The following NARS1 variants were observed in gnomAD, a reference collection of about 807,000 sequenced individuals.
The protein encoded by NARS1 is asparagine--tRNA ligase, cytoplasmic.
A neutral mutation model predicts 79.2 loss-of-function variants in NARS1; 65 were observed. The observed-to-expected ratio is 0.82, with a 90% CI of 0.67 to 1.01. The LOEUF is 1.01. Among genes scored for constraint, NARS1 ranks in the 50% least tolerant of loss-of-function variants. NARS1 has a pLI of 0.00. For synonymous variants in NARS1, 229 were observed against 238.8 expected, an observed-to-expected ratio of 0.96 and a Z score of 0.38; for missense variants, 649 against 673.8, an observed-to-expected ratio of 0.96 and a Z score of 0.41.
intron 5 of NARS1, among the ~76,000 whole-genome samples, chr18:57,613,156 C>G (rs1383217717): frequency 6.6e-6 from 1 of 151,620 alleles, no homozygotes; most frequent in Non-Finnish European, 1.5e-5. Context: ...GAGGCTGAGG[C>G]AGGAGGATGG....
rs369416187 is a variant in NARS1, at chr18:57,609,411, C to T, written c.525G>A (p.Thr175=). 53 of 1,613,874 alleles carry T rather than the reference C, an allele frequency of 3.3e-5. No individual in the cohort carries two copies. In the African/African-American group the frequency reaches 5.5e-4, roughly 17 times the overall value. The change falls in exon 7 of 14, where the codon ACG becomes ACA. Residue 175 remains threonine (T), a synonymous_variant. Transcript: ENST00000256854. ...CQCYNGVLLS[T]ESSVAVYGML... ...TTCCATACACTGCAACACTGCTCTC[C>T]GTGGACAAGAGAACTCCATTGTAGC... is the stretch of plus-strand genomic sequence containing the variant.
intron 5 of NARS1, 39 bp from the exon 6 acceptor site, chr18:57,611,746 C>A (rs370477160): frequency 8.0e-6 from 10 of 1,244,970 alleles, no homozygotes; most frequent in Admixed American, 2.6e-5. Flanking sequence ...AGACTGTTCT[C>A]AAGGCATTAA....
chr18:57,608,437 CAAA>C (rs1175712420), intron 7 of NARS1, among the ~76,000 whole-genome samples: 1 of 78,276 alleles, frequency 1.3e-5, no homozygotes, highest in Non-Finnish European at 2.2e-5. Flanking sequence ...AACTCCGTCT[CAAA>C]AAAAAAAAAA....
chr18:57,614,436 G>C (rs62092557), intron 4 of NARS1, among the ~76,000 whole-genome samples: 2 of 152,078 alleles, frequency 1.3e-5, no homozygotes, highest in Non-Finnish European at 2.9e-5. Context: ...GGGAGGCGGA[G>C]GTTGCAATGA....
At chr18:57,607,691 G>C in intron 7 of NARS1, 26 bp from the exon 8 acceptor site, 1 of 1,554,346 alleles carries the variant, frequency 6.4e-7, no homozygotes, top group Non-Finnish European at 8.8e-7. Flanking sequence ...GTGGGGTCCA[G>C]AGAAAGAGGG....
intron 2 of NARS1, among the ~76,000 whole-genome samples, chr18:57,618,289 C>A (rs201527362): frequency 3.5e-3 from 435 of 122,642 alleles, no homozygotes; most frequent in Non-Finnish European, 4.1e-3. Context: ...AACTCTGTCT[C>A]AAAAAAAAAA....
chr18:57,615,050 G>A (rs2051636612), intron 4 of NARS1, among the ~76,000 whole-genome samples: 1 of 152,038 alleles, frequency 6.6e-6, no homozygotes, highest in Non-Finnish European at 1.5e-5. Context: ...GTGTGGTGGT[G>A]CATGCCTGTG....
At chr18:57,606,938 T>A (rs1271035303) in intron 9 of NARS1, 187 bp from the exon 10 acceptor site, 14 of 911,332 alleles carry the variant, frequency 1.5e-5, no homozygotes, top group Non-Finnish European at 2.3e-5. Context: ...CCTTTATATA[T>A]AAAAGATCAA....
chr18:57,616,087 C>T (rs559108708), intron 2 of NARS1, 112 bp from the exon 3 acceptor site: 16 of 959,038 alleles, frequency 1.7e-5, no homozygotes, highest in East Asian at 2.6e-5. Flanking sequence ...AAGACCCCAA[C>T]AGCCAAAAGC....
chr18:57,616,444 A>G (rs1376806292), intron 2 of NARS1, among the ~76,000 whole-genome samples: 2 of 151,812 alleles, frequency 1.3e-5, no homozygotes, highest in Admixed American at 6.6e-5. Flanking sequence ...AAAAAAAAGA[A>G]GCACACTGGT....
At chr18:57,607,801 T>C (rs1248023416) in intron 7 of NARS1, 136 bp from the exon 8 acceptor site, 15 of 668,570 alleles carry the variant, frequency 2.2e-5, no homozygotes, top group Non-Finnish European at 1.5e-5. Context: ...AGCTTTAGTT[T>C]AGTTTTATAT....
chr18:57,615,159 C>T (rs896867443), intron 4 of NARS1, among the ~76,000 whole-genome samples: 1 of 151,522 alleles, frequency 6.6e-6, no homozygotes, highest in African/African-American at 2.4e-5. Flanking sequence ...CAGAGCAAGA[C>T]CCTGTCTCAA....
chr18:57,602,178 A>G (rs1049528791), intron 13 of NARS1, among the ~76,000 whole-genome samples, 177 bp downstream of exon 13: 2 of 152,224 alleles, frequency 1.3e-5, no homozygotes, highest in Non-Finnish European at 2.9e-5. Context: ...AAATTAACAT[A>G]TAACTTGGCC....
chr18:57,607,598 G>T lies in NARS1; in HGVS notation c.647C>A (p.Ala216Asp). The T allele has an allele frequency of 6.2e-7, 1 of 1,614,140 alleles. No homozygotes were observed. Among genetic ancestry groups the T allele is most frequent in the Non-Finnish European group, 8.5e-7 (1 of 1,180,024 alleles). The change falls in exon 8 of 14, where the codon GCT becomes GAT. Residue 216 changes from alanine (A) to aspartate (D), a missense_variant. Coordinates refer to ENST00000256854, the MANE Select transcript of NARS1 (RefSeq NM_004539.4). ...ELIGLAPAGG[A>D]DNLINEESDV... ...AGACTCCTCATTGATCAGGTTGTCA[G>T]CTCCTCCAGCAGGGGCCAACCCAAT...
At chr18:57,615,192 A>G (rs1255727459) in intron 4 of NARS1, among the ~76,000 whole-genome samples, 4 of 148,472 alleles carry the variant, frequency 2.7e-5, no homozygotes, top group Middle Eastern at 3.8e-3. Flanking sequence ...AAAATTTAAA[A>G]TTAAGAAATA....
chr18:57,607,237 A>T lies in NARS1; in HGVS notation c.898T>A (p.Ser300Thr). The T allele has an allele frequency of 6.2e-7, 1 of 1,614,154 alleles. No homozygotes were observed. The highest frequency in any genetic ancestry group is 8.5e-7 in the Non-Finnish European group (1 of 1,180,000). The change falls in exon 9 of 14, where the codon TCT (serine) becomes ACT (threonine). Residue 300 changes from serine (S) to threonine (T), a missense_variant. Physicochemically the swap from Ser to Thr is moderately conservative, Grantham distance 58 (BLOSUM62 1). Transcript: ENST00000256854. Reference sequence around the variant, plus strand: ...AGGCAGGTCTCCAAGTACAACTGAGAGGATTGAGTCAAAAATGCCTCTTCC... The same window carrying T: ...AGGCAGGTCTCCAAGTACAACTGAGTGGATTGAGTCAAAAATGCCTCTTCC... ...FGEEAFLTQS[S>T]QLYLETCLPA...
intron 2 of NARS1, among the ~76,000 whole-genome samples, chr18:57,616,645 T>C (rs1406847856): frequency 2.0e-5 from 3 of 152,034 alleles, no homozygotes. Context: ...AAAAGGTTAG[T>C]TCTCTGTGAG....
At position 57,607,536 on chromosome 18, in the gene NARS1, T is replaced by TC; in HGVS notation, c.708dup (p.Ile237AspfsTer21). On this transcript the variant is annotated frameshift_variant, in exon 8 of 14. Transcript: ENST00000256854. LOFTEE classifies it high-confidence loss of function. The stretch of plus-strand genomic sequence containing the variant: ...ATTTTGGACATGTTTTCTCCTCGGA[T>TC]CATCATGTGTCTGTTGTTGAGCTGG... 1 of 1,614,214 alleles carries TC rather than the reference T, an allele frequency of 6.2e-7. No individual in the cohort carries two copies. Among genetic ancestry groups the TC allele is most frequent in the Non-Finnish European group, 8.5e-7 (1 of 1,180,036 alleles).
At chr18:57,613,110 G>T (rs1198119237) in intron 5 of NARS1, among the ~76,000 whole-genome samples, 3 of 152,106 alleles carry the variant, frequency 2.0e-5, no homozygotes, top group Admixed American at 6.6e-5. Context: ...TTAAAGCCAG[G>T]TGAGGTGCTA....
Sources: gnomAD v4.1 joint callset for allele counts (sites outside exome capture counted in the v4.1 genomes callset) on GRCh38, gnomAD v4.1.1 for gene constraint, MANE v1.5 for transcripts, NCBI Gene and HGNC (gene_info 2026-07-23, HGNC 2026-07-21) for gene names.